The following IGF2BP2 variants were observed in gnomAD, a reference collection of about 807,000 sequenced individuals.
IGF2BP2 encodes the protein insulin-like growth factor 2 mRNA-binding protein 2.
In IGF2BP2, 17 loss-of-function variants were observed where a neutral mutation model predicts 75.8. The ratio of observed to expected loss-of-function variants is 0.22; its 90% CI spans 0.15 to 0.34. The LOEUF (loss-of-function observed/expected upper bound fraction) is 0.34. IGF2BP2 is among the 10% of genes least tolerant of loss of function. The pLI, the probability that IGF2BP2 is intolerant of heterozygous loss-of-function variation, is 1.00. For synonymous variants in IGF2BP2, 288 were observed against 295.6 expected, an observed-to-expected ratio of 0.97 and a Z score of 0.26; for missense variants, 516 against 772.4, an observed-to-expected ratio of 0.67 and a Z score of 3.93.
intron 2 of IGF2BP2, among the ~76,000 whole-genome samples, chr3:185,816,871 C>G (rs1740685207): frequency 6.6e-6 from 1 of 152,172 alleles, no homozygotes; most frequent in African/African-American, 2.4e-5. Context: ...ATCAACCTTT[C>G]TGATCACATT....
chr3:185,738,976 C>CA (rs1321812593), intron 2 of IGF2BP2, among the ~76,000 whole-genome samples: 4 of 151,696 alleles, frequency 2.6e-5, no homozygotes, highest in Non-Finnish European at 5.9e-5. Context: ...ATTGGAGCTA[C>CA]AAAAAAAGTC....
intron 2 of IGF2BP2, among the ~76,000 whole-genome samples, chr3:185,750,494 A>C (rs1730823853): frequency 6.6e-6 from 1 of 152,212 alleles, no homozygotes; most frequent in Admixed American, 6.5e-5. Context: ...TAAAGCTCTC[A>C]GCCAGAATTC....
At chr3:185,710,319 A>G (rs1222751777) in intron 2 of IGF2BP2, among the ~76,000 whole-genome samples, 2 of 152,120 alleles carry the variant, frequency 1.3e-5, no homozygotes, top group Non-Finnish European at 2.9e-5. Flanking sequence ...TGTGTGCATA[A>G]CAGCATGGGA....
At chr3:185,685,822 T>G (rs2149299069) in intron 7 of IGF2BP2, among the ~76,000 whole-genome samples, 1 of 152,308 alleles carries the variant, frequency 6.6e-6, no homozygotes, top group South Asian at 2.1e-4. Context: ...TTTAAATTTT[T>G]TGTAGAGATG....
intron 2 of IGF2BP2, among the ~76,000 whole-genome samples, chr3:185,722,972 C>CT (rs1726783140): frequency 6.6e-6 from 1 of 152,120 alleles, no homozygotes; most frequent in Admixed American, 6.5e-5. Flanking sequence ...TAAAAACATG[C>CT]TTTGTTTTGT....
chr3:185,694,992 C>T (rs1389675465), intron 4 of IGF2BP2, among the ~76,000 whole-genome samples: 1 of 152,050 alleles, frequency 6.6e-6, no homozygotes, highest in Non-Finnish European at 1.5e-5. Flanking sequence ...GAGGCTGAGG[C>T]ACAAGAATTG....
intron 2 of IGF2BP2, among the ~76,000 whole-genome samples, chr3:185,742,187 A>C (rs1362548047): frequency 2.4e-5 from 1 of 41,746 alleles, no homozygotes; most frequent in African/African-American, 1.8e-4. Context: ...CCCACCTCTT[A>C]AAAAAAAAAA....
At chr3:185,706,238 T>C (rs1436113373) in intron 2 of IGF2BP2, among the ~76,000 whole-genome samples, 1 of 152,130 alleles carries the variant, frequency 6.6e-6, no homozygotes, top group Non-Finnish European at 1.5e-5. Context: ...CATAATACTA[T>C]TCATTTTTTA....
intron 2 of IGF2BP2, among the ~76,000 whole-genome samples, chr3:185,781,655 A>G (rs543666632): frequency 4.4e-4 from 67 of 152,298 alleles, no homozygotes; most frequent in South Asian, 2.1e-3. Context: ...AGCAAGCACC[A>G]AGTCTTATGG....
At chr3:185,823,791 C>T (rs1352342509) in intron 1 of IGF2BP2, among the ~76,000 whole-genome samples, 1 of 151,792 alleles carries the variant, frequency 6.6e-6, no homozygotes, top group Non-Finnish European at 1.5e-5. Context: ...TCGGGGGGCG[C>T]CGGCCGGGGC....
At chr3:185,699,916 G>GA (rs955057473) in intron 2 of IGF2BP2, among the ~76,000 whole-genome samples, 4 of 151,936 alleles carry the variant, frequency 2.6e-5, no homozygotes, top group Non-Finnish European at 5.9e-5. Context: ...AAATTAGACA[G>GA]AAAAAAGAAC....
intron 2 of IGF2BP2, among the ~76,000 whole-genome samples, chr3:185,742,372 C>T (rs899374826): frequency 2.6e-5 from 4 of 151,992 alleles, no homozygotes; most frequent in Admixed American, 1.3e-4. Context: ...GCCGGGTGCC[C>T]GTAATCCCAG....
chr3:185,733,557 G>A (rs1728464002), intron 2 of IGF2BP2, among the ~76,000 whole-genome samples: 2 of 152,206 alleles, frequency 1.3e-5, no homozygotes, highest in African/African-American at 4.8e-5. Context: ...GGGAGTTCGA[G>A]ACCAGCCTGA....
In IGF2BP2 at chr3:185,731,299, C is replaced by T. The variant is rs187751108; in HGVS notation, c.240-32952G>A. On this transcript the variant is annotated intron_variant, in intron 2 of 15. Transcript: ENST00000382199. ...TCTTGCTGTATTACCCAGGCTGGAG[C>T]GCAATGGTGCAATCTTGGTTCACTG... Among the ~76,000 whole-genome samples the T allele has an allele frequency of 1.1e-3, 159 of 145,524 alleles. 2 individuals are homozygous for T. Among genetic ancestry groups the T allele is most frequent in the African/African-American group, 3.9e-3 (152 of 38,954 alleles).
chr3:185,761,875 C>G (rs2149697312), intron 2 of IGF2BP2, among the ~76,000 whole-genome samples: 1 of 152,312 alleles, frequency 6.6e-6, no homozygotes. Flanking sequence ...TCCCTGCATT[C>G]GATCCAAGGG....
intron 2 of IGF2BP2, among the ~76,000 whole-genome samples, chr3:185,749,582 C>G (rs1241989498): frequency 6.6e-6 from 1 of 152,234 alleles, no homozygotes; most frequent in East Asian, 1.9e-4. Flanking sequence ...CTGAATCTCT[C>G]TGGTAACTCC....
chr3:185,677,068 T>TATAGAGAGAG, intron 7 of IGF2BP2, among the ~76,000 whole-genome samples: 29 of 35,860 alleles, frequency 8.1e-4, no homozygotes, highest in African/African-American at 2.3e-3. Context: ...TATATATATA[T>TATAGAGAGAG]AGAGAGAGAG....
chr3:185,659,238 AAGAG>A (rs1316200393), intron 10 of IGF2BP2, among the ~76,000 whole-genome samples: 1 of 151,990 alleles, frequency 6.6e-6, no homozygotes, highest in Non-Finnish European at 1.5e-5. Context: ...AGAAAAAAAA[AAGAG>A]AGAGAGTGAC....
chr3:185,773,621 G>A (rs111453039), intron 2 of IGF2BP2, among the ~76,000 whole-genome samples: 44 of 152,102 alleles, frequency 2.9e-4, no homozygotes, highest in Non-Finnish European at 2.1e-4. Flanking sequence ...GCCAAGGAGG[G>A]GTTTATTTAT....
Sources: allele counts gnomAD v4.1 joint callset (sites outside exome capture counted in the v4.1 genomes callset), GRCh38; gene constraint gnomAD v4.1.1; transcripts MANE v1.5; gene names NCBI Gene and HGNC (gene_info 2026-07-23, HGNC 2026-07-21).